WDR72: variants seen among roughly 807,000 people sequenced by gnomAD.
The protein encoded by WDR72 is WD repeat-containing protein 72.
A neutral mutation model predicts 124.2 loss-of-function variants in WDR72; 120 were observed. That is an observed-to-expected ratio of 0.97 (90% CI 0.83 to 1.12). The LOEUF (loss-of-function observed/expected upper bound fraction) is 1.12, where lower values mean the gene tolerates loss of function less well. WDR72 is among the 50% of genes most tolerant of loss of function. WDR72 has a pLI of 0.00. For synonymous variants in WDR72, 452 were observed against 441.7 expected, an observed-to-expected ratio of 1.02 and a Z score of -0.29; for missense variants, 1,387 against 1,278.8, an observed-to-expected ratio of 1.08 and a Z score of -1.29.
chr15:53,558,268 C>A (rs1894000955), intron 18 of WDR72, among the ~76,000 whole-genome samples: 1 of 152,026 alleles, frequency 6.6e-6, no homozygotes, highest in Non-Finnish European at 1.5e-5. Flanking sequence ...AAAACATTAT[C>A]CATGACATCT....
chr15:53,567,340 A>C (rs1343493843), intron 18 of WDR72, among the ~76,000 whole-genome samples: 1 of 152,044 alleles, frequency 6.6e-6, no homozygotes, highest in Non-Finnish European at 1.5e-5. Flanking sequence ...TTTGAGGGGA[A>C]GAATATGTAG....
At chr15:53,711,599 C>T (rs2140547660) in intron 7 of WDR72, 118 bp from the exon 8 acceptor site, 1 of 1,054,250 alleles carries the variant, frequency 9.5e-7, no homozygotes, top group African/African-American at 1.6e-5. Flanking sequence ...ACAGACCATA[C>T]TGTACTCTCA....
intron 18 of WDR72, among the ~76,000 whole-genome samples, chr15:53,539,060 GACA>G (rs1892923750): frequency 6.6e-6 from 1 of 152,016 alleles, no homozygotes; most frequent in Non-Finnish European, 1.5e-5. Flanking sequence ...AGATTCTGAT[GACA>G]ACACTTTACC....
chr15:53,693,745 C>T (rs749809729), intron 13 of WDR72, among the ~76,000 whole-genome samples: 1 of 152,142 alleles, frequency 6.6e-6, no homozygotes, highest in South Asian at 2.1e-4. Flanking sequence ...AAATTTAACA[C>T]CTGTGGTGAA....
At chr15:53,727,882 T>C (rs532999069) in intron 2 of WDR72, among the ~76,000 whole-genome samples, 2 of 152,318 alleles carry the variant, frequency 1.3e-5, no homozygotes, top group East Asian at 3.9e-4. Flanking sequence ...ATTCAAAAAT[T>C]CTACAATCAC....
At chr15:53,670,784 T>C (rs2015958174) in intron 13 of WDR72, among the ~76,000 whole-genome samples, 1 of 152,178 alleles carries the variant, frequency 6.6e-6, no homozygotes, top group Non-Finnish European at 1.5e-5. Flanking sequence ...GTGAATGCTG[T>C]GCTATATGAC....
chr15:53,657,958 T>C (rs570017507), intron 14 of WDR72, among the ~76,000 whole-genome samples: 4 of 152,324 alleles, frequency 2.6e-5, no homozygotes, highest in South Asian at 4.1e-4. Flanking sequence ...AATAGGAAGA[T>C]AGCTATTTTA....
chr15:53,558,105 TTGAC>T (rs1408221345), intron 18 of WDR72, among the ~76,000 whole-genome samples: 1 of 152,004 alleles, frequency 6.6e-6, no homozygotes, highest in Non-Finnish European at 1.5e-5. Flanking sequence ...TCCACAGACA[TTGAC>T]TGACACAGCT....
chr15:53,550,817 G>C (rs1555407317), intron 18 of WDR72, among the ~76,000 whole-genome samples: 1 of 152,118 alleles, frequency 6.6e-6, no homozygotes, highest in Non-Finnish European at 1.5e-5. Flanking sequence ...CTGGAATACA[G>C]GTATTAGAGA....
intron 18 of WDR72, among the ~76,000 whole-genome samples, chr15:53,531,022 G>A (rs1892427952): frequency 6.6e-6 from 1 of 151,990 alleles, no homozygotes. Flanking sequence ...AAGTGTCAGA[G>A]CTCTTTCATC....
chr15:53,601,358 A>G (rs1427326733), intron 17 of WDR72, among the ~76,000 whole-genome samples: 1 of 152,192 alleles, frequency 6.6e-6, no homozygotes, highest in African/African-American at 2.4e-5. Context: ...TCCTGAAGAA[A>G]GCACTAAATA....
chr15:53,554,198 T>C (rs1352483276), intron 18 of WDR72, among the ~76,000 whole-genome samples: 1 of 152,174 alleles, frequency 6.6e-6, no homozygotes, highest in East Asian at 1.9e-4. Flanking sequence ...TCACTCTTCA[T>C]GTTAAACTCT....
chr15:53,658,770 T>G (rs935306976), intron 14 of WDR72, among the ~76,000 whole-genome samples: 1 of 152,194 alleles, frequency 6.6e-6, no homozygotes, highest in Admixed American at 6.5e-5. Flanking sequence ...CTGAAAACTC[T>G]CCATTTGTAC....
At chr15:53,630,807 T>C (rs1248863328) in intron 14 of WDR72, among the ~76,000 whole-genome samples, 1 of 152,170 alleles carries the variant, frequency 6.6e-6, no homozygotes, top group Non-Finnish European at 1.5e-5. Flanking sequence ...ACAGGACAAG[T>C]ATGTCCTTTC....
chr15:53,686,859 G>A (rs978273007), intron 13 of WDR72, among the ~76,000 whole-genome samples: 4 of 151,612 alleles, frequency 2.6e-5, no homozygotes, highest in East Asian at 1.9e-4. Context: ...ATAACAAACT[G>A]TCTCTCAGAC....
In WDR72 at chr15:53,609,530, T is replaced by C; in HGVS notation, c.2935A>G (p.Arg979Gly). 1 of 1,613,490 alleles carries C rather than the reference T, an allele frequency of 6.2e-7. No individual in the cohort carries two copies. Among genetic ancestry groups the C allele is most frequent in the Non-Finnish European group, 8.5e-7 (1 of 1,179,632 alleles). Residue 979 changes from arginine to glycine, a missense_variant, in exon 17 of 20, where the codon AGA (arginine) becomes GGA (glycine). By Grantham distance (125) the Arg-to-Gly change is moderately radical. Coordinates refer to ENST00000360509, the MANE Select transcript of WDR72 (RefSeq NM_182758.4). ...LSLLKLISCW[R>G]DQSVQVTEAI... ...TATCATACCTGCACAGACTGGTCTCTCCAACAGGAAATTAGCTTCAAAAGT... is the reference window on the plus strand; with the variant it reads ...TATCATACCTGCACAGACTGGTCTCCCCAACAGGAAATTAGCTTCAAAAGT...
chr15:53,644,430 C>T (rs2675328), intron 14 of WDR72, among the ~76,000 whole-genome samples: 54,139 of 151,462 alleles, frequency 0.36, 10,872 homozygotes, highest in East Asian at 0.53. Context: ...TTTTTTAAGC[C>T]GATTAACTAA....
intron 18 of WDR72, among the ~76,000 whole-genome samples, chr15:53,577,854 T>A (rs2011696030): frequency 6.6e-6 from 1 of 152,194 alleles, no homozygotes; most frequent in Non-Finnish European, 1.5e-5. Flanking sequence ...TTTGTTTTTA[T>A]TCTAGTGATA....
At chr15:53,551,752 T>G (rs1024655118) in intron 18 of WDR72, among the ~76,000 whole-genome samples, 4 of 152,090 alleles carry the variant, frequency 2.6e-5, no homozygotes, top group Non-Finnish European at 5.9e-5. Context: ...AAAACTCCCT[T>G]GAAGAAGATT....
Sources: allele counts gnomAD v4.1 joint callset (sites outside exome capture counted in the v4.1 genomes callset), GRCh38; gene constraint gnomAD v4.1.1; transcripts MANE v1.5; gene names NCBI Gene and HGNC (gene_info 2026-07-23, HGNC 2026-07-21).